The following ENOX2 variants were observed in gnomAD, a reference collection of about 807,000 sequenced individuals.
ENOX2 encodes APK1 antigen.
A neutral mutation model predicts 45.0 loss-of-function variants in ENOX2; 36 were observed. The observed-to-expected ratio is 0.80, with a 90% confidence interval of 0.61 to 1.06. The LOEUF (loss-of-function observed/expected upper bound fraction) is 1.06. Among genes scored for constraint, ENOX2 ranks in the 50% least tolerant of loss-of-function variants. The pLI is 0.00. For synonymous variants in ENOX2, 174 were observed against 152.3 expected, an observed-to-expected ratio of 1.14 and a Z score of -1.05; for missense variants, 423 against 462.5, an observed-to-expected ratio of 0.91 and a Z score of 0.78.
At chrX:130,741,952 T>C (rs1195010381) in intron 3 of ENOX2, among the ~76,000 whole-genome samples, 1 of 112,254 alleles carries the variant, frequency 8.9e-6, no homozygotes, top group Non-Finnish European at 1.9e-5. Context: ...TCAAATAGCA[T>C]TCAAATATAA....
chrX:130,677,114 T>C (rs1158031915), intron 6 of ENOX2, among the ~76,000 whole-genome samples: 1 of 111,825 alleles, frequency 8.9e-6, no homozygotes, highest in African/African-American at 3.3e-5. Flanking sequence ...CAAGCAAATG[T>C]TTTCCCTTTG....
chrX:130,634,526 C>G (rs2035877516), intron 12 of ENOX2, among the ~76,000 whole-genome samples: 2 of 111,791 alleles, frequency 1.8e-5, no homozygotes, highest in Non-Finnish European at 3.8e-5. Context: ...GGCTATTCCT[C>G]TCATCTGCAG....
chrX:130,743,401 TAAC>T (rs1177239004), intron 3 of ENOX2, among the ~76,000 whole-genome samples: 1 of 111,222 alleles, frequency 9.0e-6, no homozygotes, highest in Non-Finnish European at 1.9e-5. Flanking sequence ...GATGGGCAAA[TAAC>T]AACATTTAAC....
chrX:130,808,312 G>A (rs913133633), intron 2 of ENOX2, among the ~76,000 whole-genome samples: 1 of 112,102 alleles, frequency 8.9e-6, no homozygotes, highest in Non-Finnish European at 1.9e-5. Flanking sequence ...AGCAAAAGCT[G>A]TGACCTCATT....
intron 3 of ENOX2, among the ~76,000 whole-genome samples, chrX:130,742,206 C>T (rs2038997537): frequency 9.5e-6 from 1 of 105,639 alleles, no homozygotes; most frequent in South Asian, 4.3e-4. Flanking sequence ...GACCAGAAAG[C>T]CAGTGTAAGA....
chrX:130,869,882 A>G (rs961148675), intron 2 of ENOX2, among the ~76,000 whole-genome samples: 2 of 112,167 alleles, frequency 1.8e-5, no homozygotes, highest in Non-Finnish European at 3.8e-5. Flanking sequence ...AGAAATAGGC[A>G]CCTGCCTAAA....
Position 130,871,284 on chromosome X carries a change from G to T in ENOX2, c.-183+30400C>A, listed in dbSNP as rs549413697. Among the ~76,000 whole-genome samples the T allele has an allele frequency of 1.4e-4, 16 of 111,368 alleles. No individual in the cohort carries two copies. In the South Asian group the frequency reaches 5.7e-3, roughly 40 times the overall value. On this transcript the variant is annotated intron_variant, in intron 2 of 14. Transcript: ENST00000394363. Reference sequence around the variant, plus strand: ...ATTTTTCCCTAAATCCAAATATATTGTTCTATATGCCATGGAGAATACTAA... The same window carrying T: ...ATTTTTCCCTAAATCCAAATATATTTTTCTATATGCCATGGAGAATACTAA...
chrX:130,880,979 C>T (rs1279328764), intron 2 of ENOX2, among the ~76,000 whole-genome samples: 1 of 112,528 alleles, frequency 8.9e-6, no homozygotes, highest in Non-Finnish European at 1.9e-5. Context: ...AGTTTGATTT[C>T]CTGTTGATAC....
At chrX:130,763,676 C>T (rs1473073599) in intron 3 of ENOX2, among the ~76,000 whole-genome samples, 1 of 110,619 alleles carries the variant, frequency 9.0e-6, no homozygotes, top group Non-Finnish European at 1.9e-5. Context: ...TGAGACCAAC[C>T]TGGACAACAT....
Position 130,702,083 on chromosome X carries a change from C to T in ENOX2, c.97+1037G>A, listed in dbSNP as rs186209900. Among the ~76,000 whole-genome samples the T allele has an allele frequency of 2.7e-5, 3 of 110,913 alleles. No homozygotes were observed. In the East Asian group the frequency reaches 8.4e-4, roughly 31 times the overall value. On this transcript the variant is annotated intron_variant, in intron 4 of 14. Coordinates refer to ENST00000394363, the MANE Select transcript of ENOX2 (RefSeq NM_006375.4). ...CTTAATTCATTATTAGTATTGCTGT[C>T]TAGTGGACCTCACCCTCATTATAAC...
intron 4 of ENOX2, among the ~76,000 whole-genome samples, chrX:130,695,261 A>G (rs2037726657): frequency 1.8e-5 from 2 of 112,015 alleles, no homozygotes; most frequent in African/African-American, 6.5e-5. Flanking sequence ...TATTTCACAC[A>G]TGCATTGTCA....
intron 12 of ENOX2, among the ~76,000 whole-genome samples, chrX:130,633,142 G>C (rs1344058704): frequency 8.9e-6 from 1 of 111,901 alleles, no homozygotes; most frequent in Non-Finnish European, 1.9e-5. Context: ...CAGATTTAAA[G>C]AGCTTAGTTC....
chrX:130,778,618 G>C (rs1302215301), intron 3 of ENOX2, among the ~76,000 whole-genome samples: 2 of 112,097 alleles, frequency 1.8e-5, no homozygotes, highest in Non-Finnish European at 3.8e-5. Context: ...TACATTAAGA[G>C]AAAGAAACAA....
intron 2 of ENOX2, among the ~76,000 whole-genome samples, chrX:130,847,512 T>C (rs1050056202): frequency 8.9e-6 from 1 of 111,811 alleles, no homozygotes; most frequent in African/African-American, 3.3e-5. Flanking sequence ...AGGTGACCTC[T>C]AAGGAAAAAA....
intron 2 of ENOX2, among the ~76,000 whole-genome samples, chrX:130,841,155 A>AAC (rs1300270119): frequency 5.4e-5 from 6 of 111,457 alleles, no homozygotes; most frequent in African/African-American, 2.0e-4. Flanking sequence ...AAAACACACA[A>AAC]ACACACACAC....
At chrX:130,854,993 TG>T (rs1355915517) in intron 2 of ENOX2, among the ~76,000 whole-genome samples, 3 of 111,710 alleles carry the variant, frequency 2.7e-5, no homozygotes, top group African/African-American at 9.8e-5. Flanking sequence ...TTCCTATTAT[TG>T]GTAATAAGGC....
chrX:130,754,475 T>G (rs1311014862), intron 3 of ENOX2, among the ~76,000 whole-genome samples: 2 of 111,613 alleles, frequency 1.8e-5, no homozygotes, highest in African/African-American at 6.5e-5. Flanking sequence ...AGCAAAGACA[T>G]AGAATCAACC....
At chrX:130,863,863 T>C (rs2078448314) in intron 2 of ENOX2, among the ~76,000 whole-genome samples, 3 of 111,807 alleles carry the variant, frequency 2.7e-5, no homozygotes, top group Admixed American at 1.9e-4. Context: ...AACCCATATA[T>C]AGGGGCTACA....
intron 2 of ENOX2, among the ~76,000 whole-genome samples, chrX:130,880,763 A>C (rs1352610352): frequency 8.9e-6 from 1 of 112,282 alleles, no homozygotes; most frequent in Non-Finnish European, 1.9e-5. Context: ...TCAGAAATCA[A>C]GACTTAACAG....
Sources: gnomAD v4.1 joint callset for allele counts (sites outside exome capture counted in the v4.1 genomes callset) on GRCh38, gnomAD v4.1.1 for gene constraint, MANE v1.5 for transcripts, NCBI Gene and HGNC (gene_info 2026-07-23, HGNC 2026-07-21) for gene names.